AP2B1: variants seen among roughly 807,000 people sequenced by gnomAD.
AP2B1 encodes the protein AP-2 complex subunit beta.
AP2B1 carries 23 observed loss-of-function variants against 102.0 expected under a neutral mutation model. That is an observed-to-expected ratio of 0.23 (90% confidence interval 0.16 to 0.32). The LOEUF (loss-of-function observed/expected upper bound fraction) is 0.32, where lower values mean the gene tolerates loss of function less well. Among genes scored for constraint, AP2B1 ranks in the 10% least tolerant of loss-of-function variants. The pLI is 1.00. For synonymous variants in AP2B1, 381 were observed against 421.2 expected (o/e 0.90, Z 1.17); for missense variants, 541 against 1,157.4 (o/e 0.47, Z 7.73).
At chr17:35,693,643 C>T (rs1233756629) in intron 18 of AP2B1, among the ~76,000 whole-genome samples, 4 of 152,100 alleles carry the variant, frequency 2.6e-5, no homozygotes, top group Non-Finnish European at 5.9e-5. Context: ...AAAATATTAT[C>T]TAATCACTTT....
intron 13 of AP2B1, among the ~76,000 whole-genome samples, chr17:35,656,459 C>T (rs2142868628): frequency 6.6e-6 from 1 of 152,310 alleles, no homozygotes; most frequent in South Asian, 2.1e-4. Flanking sequence ...GTTTAGATTA[C>T]TCTTAGCTGA....
chr17:35,661,834 A>G (rs1221138295), intron 14 of AP2B1, among the ~76,000 whole-genome samples: 1 of 152,334 alleles, frequency 6.6e-6, no homozygotes. Context: ...TCACACTCAT[A>G]AAATTCGGCC....
At chr17:35,693,492 TCTA>T (rs2076080466) in intron 18 of AP2B1, among the ~76,000 whole-genome samples, 1 of 152,212 alleles carries the variant, frequency 6.6e-6, no homozygotes, top group South Asian at 2.1e-4. Flanking sequence ...CTTTTTTTTT[TCTA>T]CTTAAGGAAA....
intron 18 of AP2B1, among the ~76,000 whole-genome samples, chr17:35,697,717 C>A (rs2076167252): frequency 6.6e-6 from 1 of 152,234 alleles, no homozygotes; most frequent in Non-Finnish European, 1.5e-5. Flanking sequence ...AATCCCAGCA[C>A]TTTGGGAGGC....
At chr17:35,597,938 C>T (rs1227413847) in intron 2 of AP2B1, among the ~76,000 whole-genome samples, 10 of 152,162 alleles carry the variant, frequency 6.6e-5, no homozygotes, top group Non-Finnish European at 1.5e-5. Context: ...GTTCTCTCCC[C>T]ATTGTAGCTA....
chr17:35,605,241 T>TTTTC (rs1491303151), intron 3 of AP2B1, among the ~76,000 whole-genome samples: 15 of 18,550 alleles, frequency 8.1e-4, no homozygotes, highest in African/African-American at 4.5e-3. Flanking sequence ...TTTTCTTTTC[T>TTTTC]TTTTTTTTTT....
rs2073654287 is a variant in AP2B1 at position 35,605,756 on chromosome 17, A to G, written c.195A>G (p.Leu65=). Reference sequence around the variant, plus strand: ...GTATGCAGACTGACAATCTGGAACTAAAGAAGCTTGTGTATCTCTACTTGA... The same window carrying G: ...GTATGCAGACTGACAATCTGGAACTGAAGAAGCTTGTGTATCTCTACTTGA... ...VNCMQTDNLE[L]KKLVYLYLMN... The change falls in exon 4 of 22, where the codon CTA becomes CTG. Residue 65 remains leucine (L), a synonymous_variant. Coordinates refer to ENST00000610402, the MANE Select transcript of AP2B1 (RefSeq NM_001030006.2). 6.2e-7 allele frequency: 1 copy of G among 1,614,172 alleles called. No individual in the cohort carries two copies.
chr17:35,650,338 G>A (rs1396051278), intron 12 of AP2B1, among the ~76,000 whole-genome samples, 192 bp from the exon 13 acceptor site: 3 of 152,102 alleles, frequency 2.0e-5, no homozygotes, highest in East Asian at 3.9e-4. Context: ...CAAGTGATCC[G>A]CCTGTTTCAG....
chr17:35,622,059 G>A (rs1370654407), intron 5 of AP2B1, among the ~76,000 whole-genome samples: 1 of 152,130 alleles, frequency 6.6e-6, no homozygotes, highest in Non-Finnish European at 1.5e-5. Context: ...AAAATATCTT[G>A]CATGTGAAGC....
At chr17:35,624,723 C>G in intron 6 of AP2B1, 136 bp downstream of exon 6, 1 of 719,706 alleles carries the variant, frequency 1.4e-6, no homozygotes, top group South Asian at 2.3e-5. Flanking sequence ...GGTATTTTCT[C>G]TCTGGATTTA....
At chr17:35,630,107 G>A (rs2074422496) in intron 9 of AP2B1, among the ~76,000 whole-genome samples, 1 of 152,188 alleles carries the variant, frequency 6.6e-6, no homozygotes, top group South Asian at 2.1e-4. Context: ...AGGCAGATGT[G>A]TGTCAGAGAA....
intron 18 of AP2B1, among the ~76,000 whole-genome samples, chr17:35,700,171 A>G (rs939895223): frequency 7.2e-5 from 11 of 151,780 alleles, no homozygotes; most frequent in Non-Finnish European, 7.4e-5. Context: ...ATGCAGAACT[A>G]CATGTTAATT....
intron 17 of AP2B1, among the ~76,000 whole-genome samples, chr17:35,676,202 T>G (rs1197147545): frequency 6.6e-6 from 1 of 152,214 alleles, no homozygotes; most frequent in Non-Finnish European, 1.5e-5. Context: ...AAAGCCTTCA[T>G]AATTGGTGGT....
chr17:35,660,177 C>A, intron 14 of AP2B1: 1 of 692,564 alleles, frequency 1.4e-6, no homozygotes, highest in Non-Finnish European at 1.8e-6. Context: ...AATGGGTTCT[C>A]ACTATGTTGC....
Position 35,598,335 on chromosome 17 carries a change from G to A in AP2B1, c.143G>A (p.Ser48Asn). 1 of 1,600,200 alleles carries A rather than the reference G, an allele frequency of 6.2e-7. No individual in the cohort carries two copies. The highest frequency in any genetic ancestry group is 8.6e-7 in the Non-Finnish European group (1 of 1,169,232). Reference sequence around the variant, plus strand: ...GCTATGACCGTGGGGAAGGATGTTAGGTAAGAGTAATCACCCTTGCCATTG... The same window carrying A: ...GCTATGACCGTGGGGAAGGATGTTAAGTAAGAGTAATCACCCTTGCCATTG... ...IAAMTVGKDV[S>N]SLFPDVVNCM... The change falls in exon 3 of 22, where the codon AGT (serine) becomes AAT (asparagine). Residue 48 changes from serine to asparagine, a missense_variant and splice_region_variant. This residue lies in a region of AP2B1 where 18 missense variants were observed against 23.8 expected (regional missense o/e 0.76). Transcript: ENST00000610402.
intron 12 of AP2B1, among the ~76,000 whole-genome samples, chr17:35,647,195 A>G (rs225279): frequency 0.87 from 132,516 of 152,268 alleles, 58,071 homozygotes; most frequent in African/African-American, 0.97. Context: ...TTTAAGTTAC[A>G]TATAAAAAAA....
chr17:35,657,499 A>G, intron 13 of AP2B1, 100 bp from the exon 14 acceptor site: 4 of 840,096 alleles, frequency 4.8e-6, no homozygotes, highest in Middle Eastern at 2.7e-4. Flanking sequence ...CTTGTATTTG[A>G]TAGTTATATA....
rs1555586325 is a variant in AP2B1, at chr17:35,709,297, A to T, written c.2528A>T (p.Asp843Val). The T allele has an allele frequency of 6.2e-7, 1 of 1,613,708 alleles. No homozygotes were observed. The highest frequency in any genetic ancestry group is 8.5e-7 in the Non-Finnish European group (1 of 1,179,766). Reference sequence around the variant, plus strand: ...CCACTCAATGTGCTTTTTGTAGAAGATGGCAAAATGGGTAAGTACCTTCCT... The same window carrying T: ...CCACTCAATGTGCTTTTTGTAGAAGTTGGCAAAATGGGTAAGTACCTTCCT... ...LIPLNVLFVE[D>V]GKMERQVFLA... The change falls in exon 19 of 22, where the codon GAT becomes GTT. Residue 843 changes from aspartate to valine, a missense_variant. This residue lies in a region of AP2B1 where 117 missense variants were observed against 206.7 expected (regional missense o/e 0.57). Coordinates refer to ENST00000610402, the MANE Select transcript of AP2B1 (RefSeq NM_001030006.2).
chr17:35,589,987 G>A (rs1438072875), intron 1 of AP2B1, among the ~76,000 whole-genome samples: 29 of 147,208 alleles, frequency 2.0e-4, no homozygotes, highest in Non-Finnish European at 3.9e-4. Context: ...GTGCAGTGGC[G>A]CGATCTCGGC....
Sources: allele counts gnomAD v4.1 joint callset (sites outside exome capture counted in the v4.1 genomes callset), GRCh38; gene constraint gnomAD v4.1.1; regional missense constraint gnomAD v4.1.1; transcripts MANE v1.5; gene names NCBI Gene and HGNC (gene_info 2026-07-23, HGNC 2026-07-21).